Variants in EPHB1 observed in about 807,000 individuals in gnomAD.
The protein encoded by EPHB1 is ephrin type-B receptor 1.
Under a neutral mutation model 94.4 loss-of-function variants are expected in EPHB1, and 30 were observed. The ratio of observed to expected loss-of-function variants is 0.32; its 90% CI spans 0.24 to 0.43. The LOEUF is 0.43. Among genes scored for constraint, EPHB1 ranks in the 20% least tolerant of loss-of-function variants. EPHB1 has a pLI of 1.00. For synonymous variants in EPHB1, 522 were observed against 489.1 expected (o/e 1.07, Z -0.89); for missense variants, 1,055 against 1,308.3 (o/e 0.81, Z 2.99).
At chr3:134,947,328 AG>A (rs954511599) in intron 2 of EPHB1, among the ~76,000 whole-genome samples, 4 of 152,202 alleles carry the variant, frequency 2.6e-5, no homozygotes, top group African/African-American at 9.6e-5. Context: ...CGACCCCCCC[AG>A]TTCTAATTAC....
At chr3:134,868,119 T>C (rs965409089) in intron 1 of EPHB1, among the ~76,000 whole-genome samples, 39 of 152,226 alleles carry the variant, frequency 2.6e-4, no homozygotes, top group Non-Finnish European at 5.0e-4. Context: ...AGTGCTTATC[T>C]TTCTTTGCCT....
intron 3 of EPHB1, among the ~76,000 whole-genome samples, chr3:135,020,173 T>G (rs368116606): frequency 1.5e-4 from 23 of 152,382 alleles, no homozygotes; most frequent in African/African-American, 4.8e-4. Flanking sequence ...GTTCCTTATA[T>G]GTCAAGTTTA....
At chr3:135,233,587 G>C (rs149478554) in intron 12 of EPHB1, among the ~76,000 whole-genome samples, 4 of 152,186 alleles carry the variant, frequency 2.6e-5, no homozygotes, top group Non-Finnish European at 5.9e-5. Context: ...GGAGGATGAT[G>C]GCCCTCTTCT....
At chr3:135,104,821 C>T (rs1022381951) in intron 3 of EPHB1, among the ~76,000 whole-genome samples, 1 of 152,212 alleles carries the variant, frequency 6.6e-6, no homozygotes, top group Non-Finnish European at 1.5e-5. Context: ...CCCCACCCAG[C>T]ACATGTCTGG....
At chr3:135,233,044 T>C (rs889689893) in intron 12 of EPHB1, among the ~76,000 whole-genome samples, 3 of 152,114 alleles carry the variant, frequency 2.0e-5, no homozygotes, top group Non-Finnish European at 4.4e-5. Flanking sequence ...GATAGCCAAA[T>C]CATACCATTC....
intron 1 of EPHB1, among the ~76,000 whole-genome samples, chr3:134,922,302 A>G (rs1427267667): frequency 6.6e-6 from 1 of 152,210 alleles, no homozygotes; most frequent in Non-Finnish European, 1.5e-5. Flanking sequence ...TTCAGCCCCC[A>G]CTAGAGTGTA....
chr3:135,222,420 G>T (rs775100790), intron 12 of EPHB1, among the ~76,000 whole-genome samples: 1 of 152,118 alleles, frequency 6.6e-6, no homozygotes, highest in African/African-American at 2.4e-5. Flanking sequence ...GAAGTCCCGC[G>T]GTTCTCATAT....
intron 11 of EPHB1, among the ~76,000 whole-genome samples, chr3:135,197,402 A>T (rs1942652543): frequency 6.6e-6 from 1 of 152,232 alleles, no homozygotes; most frequent in African/African-American, 2.4e-5. Context: ...AAGTCCTGAG[A>T]CCAAGGTTCT....
chr3:134,800,108 G>A (rs1440598238), intron 1 of EPHB1, among the ~76,000 whole-genome samples: 2 of 152,138 alleles, frequency 1.3e-5, no homozygotes, highest in Non-Finnish European at 2.9e-5. Flanking sequence ...GCAGGATCAT[G>A]AAGCCAGAGT....
At chr3:134,990,443 T>C (rs1051086662) in intron 3 of EPHB1, among the ~76,000 whole-genome samples, 13 of 152,222 alleles carry the variant, frequency 8.5e-5, no homozygotes, top group African/African-American at 2.9e-4. Context: ...TTAGGGATGC[T>C]AGTAATCCTC....
At chr3:134,876,000 G>A (rs759859025) in intron 1 of EPHB1, among the ~76,000 whole-genome samples, 3 of 152,120 alleles carry the variant, frequency 2.0e-5, no homozygotes, top group Admixed American at 6.5e-5. Flanking sequence ...TTCAGCTTTC[G>A]CATGGGAAAT....
chr3:135,086,770 T>C (rs1938377639), intron 3 of EPHB1, among the ~76,000 whole-genome samples: 1 of 152,134 alleles, frequency 6.6e-6, no homozygotes, highest in South Asian at 2.1e-4. Context: ...TTTTAACATT[T>C]GGTTCTTCCA....
chr3:134,851,400 C>T (rs1376816610), intron 1 of EPHB1, among the ~76,000 whole-genome samples: 1 of 152,138 alleles, frequency 6.6e-6, no homozygotes, highest in African/African-American at 2.4e-5. Context: ...TGCACTTCCC[C>T]CTCTGCTTTG....
chr3:134,974,919 T>C, intron 3 of EPHB1, among the ~76,000 whole-genome samples: 1 of 152,152 alleles, frequency 6.6e-6, no homozygotes, highest in East Asian at 1.9e-4. Flanking sequence ...CTCCCTGCCC[T>C]TCTTCCTTCT....
rs562817978 is a variant in EPHB1, at chr3:135,217,333, A to AGAAAATG, written c.2346+15646_2346+15652dup. On this transcript the variant is annotated intron_variant, in intron 12 of 15. Coordinates refer to ENST00000398015, the MANE Select transcript of EPHB1 (RefSeq NM_004441.5). ...AGTGCTATGCAGAGTCCTCATGGGTAGAAAATGGTTAGGGTTAGGGGAACT... is the reference window on the plus strand; with the variant it reads ...AGTGCTATGCAGAGTCCTCATGGGTAGAAAATGGAAAATGGTTAGGGTTAGGGGAACT... Among the ~76,000 whole-genome samples the AGAAAATG allele has an allele frequency of 2.8e-3, 429 of 152,024 alleles. 1 individual carries two copies. The highest frequency in any genetic ancestry group is 4.3e-3 in the Non-Finnish European group (295 of 67,946).
chr3:134,999,532 A>G (rs554461722), intron 3 of EPHB1, among the ~76,000 whole-genome samples: 3 of 152,336 alleles, frequency 2.0e-5, no homozygotes, highest in African/African-American at 4.8e-5. Flanking sequence ...AATACTGTGG[A>G]CTGTGGTAAA....
At chr3:134,905,019 A>C (rs2038289006) in intron 1 of EPHB1, among the ~76,000 whole-genome samples, 1 of 152,134 alleles carries the variant, frequency 6.6e-6, no homozygotes, top group African/African-American at 2.4e-5. Flanking sequence ...GAAACTGTAA[A>C]ACAAAAGTAA....
chr3:135,010,372 A>G (rs780345543), intron 3 of EPHB1, among the ~76,000 whole-genome samples: 3 of 152,088 alleles, frequency 2.0e-5, no homozygotes, highest in Non-Finnish European at 2.9e-5. Flanking sequence ...TCTCTGCCAT[A>G]ATACACAGGC....
chr3:134,933,597 C>T (rs1428660440), intron 2 of EPHB1, among the ~76,000 whole-genome samples: 1 of 152,132 alleles, frequency 6.6e-6, no homozygotes, highest in Non-Finnish European at 1.5e-5. Context: ...GCCTTATAGC[C>T]AGGCACACAT....
Sources: gnomAD v4.1 joint callset for allele counts (sites outside exome capture counted in the v4.1 genomes callset) on GRCh38, gnomAD v4.1.1 for gene constraint, MANE v1.5 for transcripts, NCBI Gene and HGNC (gene_info 2026-07-23, HGNC 2026-07-21) for gene names.